The following TFDP1 variants were observed in gnomAD, a reference collection of about 807,000 sequenced individuals.
TFDP1 encodes DRTF1-polypeptide 1.
In TFDP1, 6 loss-of-function variants were observed where a neutral mutation model predicts 48.0. The ratio of observed to expected loss-of-function variants is 0.13; its 90% CI spans 0.07 to 0.25. The LOEUF is 0.25. TFDP1 is among the 10% of genes least tolerant of loss of function. The pLI is 1.00. For synonymous variants in TFDP1, 201 were observed against 211.6 expected, an observed-to-expected ratio of 0.95 and a Z score of 0.44; for missense variants, 335 against 543.0, an observed-to-expected ratio of 0.62 and a Z score of 3.81.
chr13:113,632,331 A>G (rs957176998), intron 5 of TFDP1, among the ~76,000 whole-genome samples: 6 of 152,268 alleles, frequency 3.9e-5, no homozygotes, highest in African/African-American at 1.4e-4. Context: ...ACCAGAGTGT[A>G]CAGAGTTGGG....
intron 2 of TFDP1, among the ~76,000 whole-genome samples, chr13:113,604,748 C>G (rs1248192784): frequency 6.6e-6 from 1 of 152,238 alleles, no homozygotes; most frequent in Non-Finnish European, 1.5e-5. Context: ...AGGAGCCCCT[C>G]TTTGTTCCAG....
rs544404753 is a variant in TFDP1, at chr13:113,627,171, G to A, written c.186+3885G>A. On this transcript the variant is annotated intron_variant, in intron 4 of 11. Coordinates refer to ENST00000375370, the MANE Select transcript of TFDP1 (RefSeq NM_007111.5). This position sits in a 1 kb window ranked among gnomAD's most constrained non-coding sequence, Gnocchi z 4.1. ...TGACACGAGGGGTGGGGCTCAGTCC[G>A]GGCATGTGAGTGAAAGCGGTGGGGA... is the stretch of plus-strand genomic sequence containing the variant. 1.3e-5 allele frequency among the ~76,000 whole-genome samples: 2 copies of A among 152,300 alleles called. No individual in the cohort carries two copies. Among genetic ancestry groups the A allele is most frequent in the South Asian group, 2.1e-4 (1 of 4,826 alleles).
intron 3 of TFDP1, among the ~76,000 whole-genome samples, chr13:113,616,675 A>C (rs74116262): frequency 1.3e-5 from 2 of 152,156 alleles, no homozygotes; most frequent in African/African-American, 4.8e-5. Flanking sequence ...AAATTTAGCA[A>C]TGATGTGTGG....
Position 113,633,339 on chromosome 13 carries a change from T to G in TFDP1, c.474+54T>G. ...GGGGTGGCGGAGCCCAGCGGTGTGG[T>G]ACGTTTCGCTCTTTTAATATCGGGA... On this transcript the variant is annotated intron_variant, in intron 6 of 11. Transcript: ENST00000375370. The surrounding 1 kb of genome is among the most constrained non-coding windows in gnomAD (Gnocchi z 4.5). The G allele has an allele frequency of 1.7e-6, 2 of 1,202,214 alleles. No homozygotes were observed. The highest frequency in any genetic ancestry group is 2.4e-6 in the Non-Finnish European group (2 of 826,744). 74.5% of individuals were successfully genotyped at this position (1,202,214 alleles called of 1,614,324 possible).
intron 3 of TFDP1, among the ~76,000 whole-genome samples, chr13:113,622,831 C>A (rs565794445): frequency 4.1e-4 from 62 of 152,320 alleles, no homozygotes; most frequent in Non-Finnish European, 8.1e-4. Flanking sequence ...GATAAAAATT[C>A]TAGTTTTAAA....
intron 4 of TFDP1, among the ~76,000 whole-genome samples, chr13:113,624,330 T>C (rs2049067481): frequency 6.6e-6 from 1 of 151,314 alleles, no homozygotes; most frequent in African/African-American, 2.4e-5. Context: ...TGTCCTCACG[T>C]GTCTCTCGGG....
intron 2 of TFDP1, among the ~76,000 whole-genome samples, chr13:113,599,297 C>T (rs566869458): frequency 1.4e-4 from 21 of 152,310 alleles, no homozygotes; most frequent in African/African-American, 5.1e-4. Context: ...GGGTGACTCC[C>T]TGCCGGGCCA....
rs1415800863 is a variant in TFDP1, at chr13:113,627,756, A to G, written c.187-3867A>G. On this transcript the variant is annotated intron_variant, in intron 4 of 11. Transcript: ENST00000375370. This position sits in a 1 kb window ranked among gnomAD's most constrained non-coding sequence, Gnocchi z 4.1. The stretch of plus-strand genomic sequence containing the variant: ...ACTGTGAACGGCACATGCAGGATCT[A>G]GGTGGCACTCCGTATGAGAATCGAA... Among the ~76,000 whole-genome samples the G allele has an allele frequency of 6.7e-6, 1 of 149,302 alleles. No homozygotes were observed. Among genetic ancestry groups the G allele is most frequent in the Non-Finnish European group, 1.5e-5 (1 of 68,014 alleles).
chr13:113,638,452 G>A (rs572656149), intron 11 of TFDP1, among the ~76,000 whole-genome samples: 3 of 151,802 alleles, frequency 2.0e-5, no homozygotes, highest in East Asian at 1.9e-4. Context: ...ACGCGTCTGC[G>A]GTCTCGGCGC....
At chr13:113,637,616 T>C in intron 10 of TFDP1, 1 of 1,532,316 alleles carries the variant, frequency 6.5e-7, no homozygotes, top group Non-Finnish European at 8.7e-7. Context: ...TCTTGCCTTT[T>C]TAGAGAAGAC....
chr13:113,584,962 C>G (rs1594383224), intron 1 of TFDP1, 74 bp downstream of exon 1: 1 of 146,616 alleles, frequency 6.8e-6, no homozygotes, highest in South Asian at 2.1e-4. Context: ...CCGGCCACCC[C>G]ATCCCTTGCC....
intron 3 of TFDP1, among the ~76,000 whole-genome samples, chr13:113,614,269 A>C (rs1035434754): frequency 5.9e-5 from 9 of 151,764 alleles, no homozygotes; most frequent in African/African-American, 2.2e-4. Flanking sequence ...CGTGTGTGTG[A>C]GTTGTGTGTG....
chr13:113,611,040 C>T lies in TFDP1; in HGVS notation c.57C>T (p.Asp19=). The T allele has an allele frequency of 6.2e-7, 1 of 1,614,152 alleles. No individual in the cohort carries two copies. The highest frequency in any genetic ancestry group is 1.1e-5 in the South Asian group (1 of 91,084). The part of the protein sequence containing the change: ...EANGELKVFI[D]QNLSPGKGVV... ...ACGGAGAACTCAAGGTCTTCATAGA[C>T]CAGAACCTTAGTCCCGGGAAAGGTA... Residue 19 remains aspartate, a synonymous_variant, in exon 3 of 12, where the codon GAC becomes GAT. Coordinates refer to ENST00000375370, the MANE Select transcript of TFDP1 (RefSeq NM_007111.5).
rs1431204329 is a variant in TFDP1, at chr13:113,640,690, G to GGATA, written c.*425_*428dup. Reference sequence around the variant, plus strand: ...GAGTTTGGACGGCACCCCTGCTGGCGGATAGCAAGACTCTGTGGAGTTTGT... The same window carrying GGATA: ...GAGTTTGGACGGCACCCCTGCTGGCGGATAGATAGCAAGACTCTGTGGAGTTTGT... On this transcript the variant is annotated 3_prime_UTR_variant, in exon 12 of 12. Coordinates refer to ENST00000375370, the MANE Select transcript of TFDP1 (RefSeq NM_007111.5). 4.0e-6 allele frequency: 1 copy of GGATA among 250,498 alleles called. No homozygotes were observed. Among genetic ancestry groups the GGATA allele is most frequent in the Non-Finnish European group, 7.7e-6 (1 of 130,060 alleles). The allele number at this position is 250,498 out of a possible 1,614,324, so 15.5% of individuals were successfully genotyped here.
chr13:113,618,302 G>C (rs1486031542), intron 3 of TFDP1, among the ~76,000 whole-genome samples: 1 of 152,260 alleles, frequency 6.6e-6, no homozygotes, highest in East Asian at 1.9e-4. Context: ...CGGGTGGATC[G>C]CTTGAACTCA....
chr13:113,610,143 T>G (rs1018323555), intron 2 of TFDP1, among the ~76,000 whole-genome samples: 3 of 150,944 alleles, frequency 2.0e-5, no homozygotes, highest in Non-Finnish European at 4.4e-5. Context: ...TACTGTCATG[T>G]GTGTGCCCCT....
chr13:113,584,798 C>T lies in TFDP1; in HGVS notation c.-155C>T, dbSNP rs2047952595. 1 of 146,202 alleles carries T rather than the reference C, an allele frequency of 6.8e-6. No individual in the cohort carries two copies. 9.1% of individuals were successfully genotyped at this position (146,202 alleles called of 1,614,324 possible). A position where few individuals can be genotyped will look rare whatever the true frequency, so the allele number is the denominator to read the frequency against. ...CCCGCCACGGCCGGGACCGCCCGGC[C>T]CGGCCCCAGCCCGCGCCTCTCCGCG... On this transcript the variant is annotated 5_prime_UTR_variant, in exon 1 of 12. Transcript: ENST00000375370.
intron 2 of TFDP1, among the ~76,000 whole-genome samples, chr13:113,586,880 G>T (rs902881557): frequency 1.3e-5 from 2 of 152,224 alleles, no homozygotes; most frequent in African/African-American, 4.8e-5. Flanking sequence ...TGTGCTGCGA[G>T]ACTACTTTTA....
At chr13:113,611,152 C>A in intron 3 of TFDP1, 90 bp downstream of exon 3, 1 of 1,279,346 alleles carries the variant, frequency 7.8e-7, no homozygotes, top group Non-Finnish European at 1.1e-6. Context: ...AAGCCTCTTG[C>A]TAATGATGGC....
Sources: allele counts gnomAD v4.1 joint callset (sites outside exome capture counted in the v4.1 genomes callset), GRCh38; gene constraint gnomAD v4.1.1; non-coding constraint Gnocchi (gnomAD v3.1); transcripts MANE v1.5; gene names NCBI Gene and HGNC (gene_info 2026-07-23, HGNC 2026-07-21).